The following CDK14 variants were observed in gnomAD, a reference collection of about 807,000 sequenced individuals.
The protein encoded by CDK14 is cyclin-dependent kinase 14.
CDK14 carries 34 observed loss-of-function variants against 60.7 expected under a neutral mutation model. The observed-to-expected ratio is 0.56, with a 90% CI of 0.43 to 0.75. CDK14 has a LOEUF of 0.75. Among genes scored for constraint, CDK14 ranks in the 30% least tolerant of loss-of-function variants. The probability of loss-of-function intolerance (pLI) is 0.00; values close to 1 mark genes in which losing one functional copy is unlikely to be tolerated. For synonymous variants in CDK14, 197 were observed against 203.7 expected (o/e 0.97, Z 0.28); for missense variants, 482 against 564.1 (o/e 0.85, Z 1.47).
At chr7:90,622,980 C>A (rs896900351) in intron 2 of CDK14, among the ~76,000 whole-genome samples, 24 of 144,502 alleles carry the variant, frequency 1.7e-4, no homozygotes, top group Non-Finnish European at 1.7e-4. Flanking sequence ...TCTGGTTTTC[C>A]GTCCTTCTAT....
At chr7:91,114,415 G>C (rs1271007506) in intron 13 of CDK14, among the ~76,000 whole-genome samples, 1 of 152,182 alleles carries the variant, frequency 6.6e-6, no homozygotes, top group African/African-American at 2.4e-5. Context: ...CACAAAGTAT[G>C]CAGAACACCA....
At chr7:90,921,449 T>C (rs989820401) in intron 8 of CDK14, among the ~76,000 whole-genome samples, 4 of 152,236 alleles carry the variant, frequency 2.6e-5, no homozygotes, top group Non-Finnish European at 5.9e-5. Context: ...CATTATTTTT[T>C]TCATTTGTTC....
chr7:90,955,474 T>G (rs1794384023), intron 8 of CDK14, among the ~76,000 whole-genome samples: 1 of 152,204 alleles, frequency 6.6e-6, no homozygotes, highest in Admixed American at 6.5e-5. Flanking sequence ...ATTCATGACA[T>G]CAGTGCTTTA....
intron 11 of CDK14, among the ~76,000 whole-genome samples, chr7:91,063,909 T>TA (rs1296114506): frequency 6.6e-6 from 1 of 152,218 alleles, no homozygotes; most frequent in African/African-American, 2.4e-5. Context: ...GTGTTTTTTT[T>TA]ATGTGTCAGG....
chr7:91,029,210 G>A (rs958588553), intron 10 of CDK14, among the ~76,000 whole-genome samples: 2 of 151,928 alleles, frequency 1.3e-5, no homozygotes, highest in African/African-American at 4.8e-5. Context: ...TATACTTTTG[G>A]TTACTATGAC....
In CDK14 at chr7:90,790,101, C is replaced by CTT. The variant is rs35790878; in HGVS notation, c.465-461_465-460dup. 3.1e-3 allele frequency among the ~76,000 whole-genome samples: 440 copies of CTT among 143,242 alleles called. 3 individuals are homozygous for CTT. Among genetic ancestry groups the CTT allele is most frequent in the Non-Finnish European group, 3.0e-3 (198 of 65,576 alleles). The allele number at this position is 143,242 out of a possible 152,430, so 94.0% of individuals were successfully genotyped here. A position where few individuals can be genotyped will look rare whatever the true frequency, so the allele number is the denominator to read the frequency against. ...AAAACAAAAAAAGGGGAATTTTTTC[C>CTT]TTTTTTTTTTTTGAGAGAGAGAGAA... On this transcript the variant is annotated intron_variant, in intron 4 of 14. Coordinates refer to ENST00000380050, the MANE Select transcript of CDK14 (RefSeq NM_001287135.2).
intron 12 of CDK14, among the ~76,000 whole-genome samples, chr7:91,110,174 T>C (rs1799431357): frequency 1.3e-5 from 2 of 152,166 alleles, no homozygotes; most frequent in African/African-American, 2.4e-5. Context: ...ACAAAGGCTC[T>C]GATGTTGAAA....
intron 8 of CDK14, among the ~76,000 whole-genome samples, chr7:90,918,567 C>G (rs1054287391): frequency 6.6e-6 from 1 of 152,190 alleles, no homozygotes; most frequent in Non-Finnish European, 1.5e-5. Context: ...TTCTGAGCAC[C>G]ACGGGATGCC....
rs181372735 is a variant in CDK14 at position 91,010,762 on chromosome 7, T to C, written c.1041+26521T>C. Among the ~76,000 whole-genome samples, 827 of 148,714 alleles carry C rather than the reference T, an allele frequency of 5.6e-3. 5 individuals carry two copies. Among genetic ancestry groups the C allele is most frequent in the African/African-American group, 0.02 (768 of 39,086 alleles). On this transcript the variant is annotated intron_variant, in intron 10 of 14. Transcript: ENST00000380050. ...CTTCCTTCTTTCCTTCCTTCTTTCT[T>C]TCCTTCCTTCTTTCCTTCCTTCTTT...
chr7:91,181,945 G>A (rs1344626226), intron 14 of CDK14, among the ~76,000 whole-genome samples: 2 of 152,032 alleles, frequency 1.3e-5, no homozygotes, highest in Non-Finnish European at 2.9e-5. Flanking sequence ...TTGCTACTAG[G>A]TTGATCATTG....
intron 14 of CDK14, among the ~76,000 whole-genome samples, chr7:91,162,197 G>C (rs1235047348): frequency 1.3e-5 from 2 of 152,138 alleles, no homozygotes; most frequent in African/African-American, 4.8e-5. Flanking sequence ...GGAAACATTA[G>C]ATTACATAAG....
intron 9 of CDK14, among the ~76,000 whole-genome samples, chr7:90,965,951 C>G (rs1188747749): frequency 2.6e-5 from 4 of 152,142 alleles, no homozygotes; most frequent in Non-Finnish European, 5.9e-5. Context: ...GGGTTCTTCC[C>G]TCTATCCCTG....
rs766563091 is a variant in CDK14, at chr7:91,079,418, C to A, written c.1106-14C>A. The A allele has an allele frequency of 1.9e-5, 29 of 1,545,882 alleles. No individual in the cohort carries two copies. Among genetic ancestry groups the A allele is most frequent in the Non-Finnish European group, 2.6e-5 (29 of 1,132,634 alleles). On this transcript the variant is annotated splice_polypyrimidine_tract_variant and intron_variant, in intron 11 of 14. Transcript: ENST00000380050. ...GATACAAAGATTGTTTATCATTTTT[C>A]TTTTTTATTTCAGAACGCTTTACCC...
chr7:90,914,789 T>C (rs1793020112), intron 7 of CDK14, among the ~76,000 whole-genome samples: 1 of 152,238 alleles, frequency 6.6e-6, no homozygotes, highest in African/African-American at 2.4e-5. Flanking sequence ...GATTTACCTA[T>C]GTCTGCCCTT....
At chr7:90,660,159 G>A (rs769526123) in intron 2 of CDK14, among the ~76,000 whole-genome samples, 2 of 152,110 alleles carry the variant, frequency 1.3e-5, no homozygotes, top group African/African-American at 2.4e-5. Flanking sequence ...GTTATTGAAC[G>A]TGTAGAATGT....
chr7:91,163,117 T>G (rs542951935), intron 14 of CDK14, among the ~76,000 whole-genome samples: 2 of 152,372 alleles, frequency 1.3e-5, no homozygotes, highest in African/African-American at 2.4e-5. Context: ...AGTTTCTCCC[T>G]GACCCACAAG....
chr7:90,838,833 C>T (rs1790198792), intron 5 of CDK14, among the ~76,000 whole-genome samples: 1 of 152,158 alleles, frequency 6.6e-6, no homozygotes, highest in South Asian at 2.1e-4. Flanking sequence ...CATGGACCCT[C>T]ATCAGTAATT....
At chr7:91,130,047 G>A (rs944309913) in intron 14 of CDK14, among the ~76,000 whole-genome samples, 4 of 152,110 alleles carry the variant, frequency 2.6e-5, no homozygotes, top group African/African-American at 9.7e-5. Flanking sequence ...ACTAACACTT[G>A]TTGAGTTTTG....
At chr7:90,865,734 G>A (rs945560082) in intron 6 of CDK14, among the ~76,000 whole-genome samples, 3 of 152,112 alleles carry the variant, frequency 2.0e-5, no homozygotes, top group Admixed American at 2.0e-4. Flanking sequence ...GAAATTTACA[G>A]TTTTATGCTG....
Sources: allele counts gnomAD v4.1 joint callset (sites outside exome capture counted in the v4.1 genomes callset), GRCh38; gene constraint gnomAD v4.1.1; transcripts MANE v1.5; gene names NCBI Gene and HGNC (gene_info 2026-07-23, HGNC 2026-07-21).